The following TANC1 variants were observed in gnomAD, a reference collection of about 807,000 sequenced individuals.
TANC1 encodes the protein tetratricopeptide repeat, ankyrin repeat and coiled-coil containing 1, also known as protein TANC1.
Under a neutral mutation model 149.7 loss-of-function variants are expected in TANC1, and 77 were observed. The ratio of observed to expected loss-of-function variants is 0.51; its 90% confidence interval spans 0.43 to 0.62. TANC1 has a LOEUF of 0.62. TANC1 is among the 20% of genes least tolerant of loss of function. The pLI is 0.00. For synonymous variants in TANC1, 854 were observed against 925.0 expected (o/e 0.92, Z 1.39); for missense variants, 1,985 against 2,321.8 (o/e 0.85, Z 2.98).
intron 3 of TANC1, among the ~76,000 whole-genome samples, chr2:159,087,701 G>A (rs971793551): frequency 1.3e-5 from 2 of 151,422 alleles, no homozygotes; most frequent in Admixed American, 6.6e-5. Context: ...TCAGGCTTTC[G>A]GTGTTGGACG....
intron 2 of TANC1, among the ~76,000 whole-genome samples, chr2:159,064,756 G>C (rs1280534218): frequency 6.6e-6 from 1 of 152,190 alleles, no homozygotes; most frequent in Non-Finnish European, 1.5e-5. Context: ...TTCTCAACGG[G>C]TGCCACAAAA....
At chr2:158,984,058 T>C (rs1413686949) in intron 1 of TANC1, among the ~76,000 whole-genome samples, 1 of 152,224 alleles carries the variant, frequency 6.6e-6, no homozygotes, top group African/African-American at 2.4e-5. Flanking sequence ...AGGCAAGGAC[T>C]GACACTGCTC....
chr2:159,120,377 T>G (rs903197134), intron 4 of TANC1, among the ~76,000 whole-genome samples: 1 of 152,160 alleles, frequency 6.6e-6, no homozygotes, highest in Non-Finnish European at 1.5e-5. Context: ...TTTTAATTTT[T>G]TTTTAGAATC....
At chr2:159,101,822 T>C (rs1346542829) in intron 4 of TANC1, among the ~76,000 whole-genome samples, 1 of 152,198 alleles carries the variant, frequency 6.6e-6, no homozygotes, top group South Asian at 2.1e-4. Context: ...CAAAACATCA[T>C]GAATGAATGA....
chr2:158,980,894 C>T (rs1163354529), intron 1 of TANC1, among the ~76,000 whole-genome samples: 5 of 151,956 alleles, frequency 3.3e-5, no homozygotes, highest in Admixed American at 2.6e-4. Flanking sequence ...TTGTCTCTTT[C>T]GTCTTTTTAA....
intron 14 of TANC1, among the ~76,000 whole-genome samples, chr2:159,181,814 C>T (rs773392450): frequency 1.3e-5 from 2 of 152,148 alleles, no homozygotes; most frequent in Non-Finnish European, 2.9e-5. Flanking sequence ...GATCTTAAGA[C>T]GATGTACTAC....
chr2:159,106,388 G>T (rs1414596574), intron 4 of TANC1, among the ~76,000 whole-genome samples: 1 of 152,126 alleles, frequency 6.6e-6, no homozygotes, highest in Non-Finnish European at 1.5e-5. Context: ...GCTTATTCTG[G>T]TCATTCCATT....
chr2:159,094,815 A>G (rs1356000013), intron 3 of TANC1, among the ~76,000 whole-genome samples: 3 of 152,076 alleles, frequency 2.0e-5, no homozygotes, highest in East Asian at 3.9e-4. Context: ...ACTGCTGTCC[A>G]CACAGCCTCT....
intron 5 of TANC1, among the ~76,000 whole-genome samples, chr2:159,142,381 C>G (rs181750104): frequency 7.2e-5 from 11 of 152,322 alleles, no homozygotes; most frequent in Admixed American, 7.2e-4. Flanking sequence ...CTTCTGATAC[C>G]TTAGTATATG....
Position 159,229,723 on chromosome 2 carries a change from C to T in TANC1, c.4297C>T (p.Pro1433Ser), listed in dbSNP as rs534277182. 2 of 1,614,050 alleles carry T rather than the reference C, an allele frequency of 1.2e-6. No homozygotes were observed. Among genetic ancestry groups the T allele is most frequent in the East Asian group, 2.2e-5 (1 of 44,864 alleles). Residue 1433 changes from proline to serine, a missense_variant, in exon 27 of 27, where the codon CCA (proline) becomes TCA (serine). By Grantham distance (74) the Pro-to-Ser change is moderately conservative. Coordinates refer to ENST00000263635, the MANE Select transcript of TANC1 (RefSeq NM_033394.3). ...ACAGCAAAAACAGCAGGGCCCGCTA[C>T]CAGCTCCACTCAACGACTCCGAGAA... ...SQQQKQQGPL[P>S]APLNDSENEE...
intron 4 of TANC1, among the ~76,000 whole-genome samples, chr2:159,103,247 T>TGGG (rs1157992555): frequency 1.0e-5 from 1 of 95,544 alleles, no homozygotes; most frequent in African/African-American, 2.9e-5. Flanking sequence ...GATATCTCCT[T>TGGG]GGGGTAGCAG....
rs531930455 is a variant in TANC1 at position 159,103,568 on chromosome 2, C to T, written c.259+5734C>T. ...TTTCTTTCTTTGCATGAGACTGTGT[C>T]GGGAATTATGACAGCTGAGTCAGAT... is the stretch of plus-strand genomic sequence containing the variant. On this transcript the variant is annotated intron_variant, in intron 4 of 26. Transcript: ENST00000263635. Among the ~76,000 whole-genome samples, 4 of 96,458 alleles carry T rather than the reference C, an allele frequency of 4.1e-5. 2 individuals are homozygous for T. The highest frequency in any genetic ancestry group is 2.2e-4 in the Admixed American group (2 of 9,106). 63.3% of individuals were successfully genotyped at this position (96,458 alleles called of 152,430 possible). A position where few individuals can be genotyped will look rare whatever the true frequency, so the allele number is the denominator to read the frequency against.
intron 5 of TANC1, among the ~76,000 whole-genome samples, chr2:159,137,474 T>C (rs1265015941): frequency 6.6e-6 from 1 of 152,136 alleles, no homozygotes; most frequent in Admixed American, 6.5e-5. Context: ...CCTTTTCCTT[T>C]CTGTCCAGGC....
At chr2:159,213,800 A>G (rs2059158368) in intron 19 of TANC1, among the ~76,000 whole-genome samples, 2 of 152,114 alleles carry the variant, frequency 1.3e-5, no homozygotes, top group African/African-American at 4.8e-5. Flanking sequence ...CTGGGCACCC[A>G]TGGTAATGCG....
chr2:159,154,578 G>T (rs189376789), intron 7 of TANC1, among the ~76,000 whole-genome samples: 7 of 152,160 alleles, frequency 4.6e-5, no homozygotes, highest in Admixed American at 4.6e-4. Flanking sequence ...TGTTTCAACT[G>T]TATTATGTTA....
chr2:159,018,063 C>T (rs1439600866), intron 2 of TANC1, among the ~76,000 whole-genome samples: 1 of 152,070 alleles, frequency 6.6e-6, no homozygotes, highest in East Asian at 1.9e-4. Flanking sequence ...TGCAGCATCC[C>T]GCAGTTCAAA....
At chr2:159,182,230 T>C (rs1272623263) in intron 14 of TANC1, among the ~76,000 whole-genome samples, 2 of 151,948 alleles carry the variant, frequency 1.3e-5, no homozygotes, top group Non-Finnish European at 2.9e-5. Flanking sequence ...AGAGTTTTCA[T>C]TCATATCACC....
At chr2:159,170,944 G>A (rs2055130548) in intron 10 of TANC1, 139 bp downstream of exon 10, 4 of 939,636 alleles carry the variant, frequency 4.3e-6, no homozygotes, top group Middle Eastern at 5.9e-4. Flanking sequence ...TGTGTGAAGT[G>A]AACTGTTTCA....
At chr2:159,124,032 T>C (rs2049131462) in intron 4 of TANC1, among the ~76,000 whole-genome samples, 1 of 152,148 alleles carries the variant, frequency 6.6e-6, no homozygotes, top group Non-Finnish European at 1.5e-5. Context: ...CTTGCATAGC[T>C]ACTCCAGACA....
Sources: allele counts gnomAD v4.1 joint callset (sites outside exome capture counted in the v4.1 genomes callset), GRCh38; gene constraint gnomAD v4.1.1; transcripts MANE v1.5; gene names NCBI Gene and HGNC (gene_info 2026-07-23, HGNC 2026-07-21).